The following GPC6 variants were observed in gnomAD, a reference collection of about 807,000 sequenced individuals.
The protein encoded by GPC6 is glypican 6, also known as glypican-6.
GPC6 carries 14 observed loss-of-function variants against 55.2 expected under a neutral mutation model. That is an observed-to-expected ratio of 0.25 (90% CI 0.17 to 0.40). GPC6 has a LOEUF of 0.40. GPC6 is among the 10% of genes least tolerant of loss of function. The probability of loss-of-function intolerance (pLI) is 1.00; values close to 1 mark genes in which losing one functional copy is unlikely to be tolerated. For missense variants in GPC6, 641 were observed against 708.5 expected (o/e 0.90, Z 1.08); for synonymous variants, 278 against 259.6 (o/e 1.07, Z -0.68).
intron 3 of GPC6, among the ~76,000 whole-genome samples, chr13:93,843,407 T>C (rs892052326): frequency 2.0e-5 from 3 of 152,030 alleles, no homozygotes; most frequent in African/African-American, 7.2e-5. Context: ...ACAGTTTTCA[T>C]TCAAAAGGGA....
At chr13:93,819,036 C>T (rs1886956626) in intron 2 of GPC6, among the ~76,000 whole-genome samples, 1 of 152,092 alleles carries the variant, frequency 6.6e-6, no homozygotes, top group African/African-American at 2.4e-5. Flanking sequence ...ACCTGGATCC[C>T]ACTCCCAGAG....
intron 4 of GPC6, among the ~76,000 whole-genome samples, chr13:94,125,721 CT>C (rs5805850): frequency 0.48 from 69,674 of 146,270 alleles, 16,674 homozygotes; most frequent in Admixed American, 0.57. Flanking sequence ...AATTTCTTGC[CT>C]TTTTTTTTTT....
chr13:94,318,240 C>T (rs1876638635), intron 6 of GPC6, among the ~76,000 whole-genome samples: 1 of 152,134 alleles, frequency 6.6e-6, no homozygotes, highest in African/African-American at 2.4e-5. Flanking sequence ...GAGAGATTTT[C>T]ACTATGCGAG....
intron 2 of GPC6, among the ~76,000 whole-genome samples, chr13:93,605,914 T>TAAA (rs1291035781): frequency 6.7e-6 from 1 of 149,916 alleles, no homozygotes; most frequent in East Asian, 2.0e-4. Flanking sequence ...TTTGACAAGA[T>TAAA]ATTTAACTTT....
At chr13:93,461,655 G>T (rs1161832165) in intron 1 of GPC6, among the ~76,000 whole-genome samples, 2 of 101,164 alleles carry the variant, frequency 2.0e-5, no homozygotes, top group African/African-American at 3.2e-5. Context: ...GAAGATACTA[G>T]GTCCCGGCGG....
At chr13:94,240,142 T>A (rs1594088593) in intron 4 of GPC6, among the ~76,000 whole-genome samples, 1 of 151,810 alleles carries the variant, frequency 6.6e-6, no homozygotes, top group Admixed American at 6.6e-5. Flanking sequence ...CAAAAAAAGT[T>A]CCCCCTCTCC....
At chr13:93,666,356 G>T (rs1193207441) in intron 2 of GPC6, among the ~76,000 whole-genome samples, 8 of 151,422 alleles carry the variant, frequency 5.3e-5, no homozygotes, top group Non-Finnish European at 7.4e-5. Context: ...AAAAAAAAAA[G>T]GTCAAATGAA....
At chr13:93,720,213 G>T (rs548648748) in intron 2 of GPC6, among the ~76,000 whole-genome samples, 10 of 151,854 alleles carry the variant, frequency 6.6e-5, no homozygotes, top group Non-Finnish European at 1.5e-4. Context: ...GTCTGGTCCT[G>T]GTTGGTAGGC....
At chr13:94,015,595 A>C (rs1182202824) in intron 3 of GPC6, among the ~76,000 whole-genome samples, 1 of 150,774 alleles carries the variant, frequency 6.6e-6, no homozygotes, top group African/African-American at 2.5e-5. Flanking sequence ...ATCCAAGATC[A>C]TCAAGATTTA....
intron 4 of GPC6, among the ~76,000 whole-genome samples, chr13:94,144,910 A>G (rs935895621): frequency 2.0e-5 from 3 of 152,202 alleles, no homozygotes; most frequent in African/African-American, 7.2e-5. Flanking sequence ...ATCTTTAGGA[A>G]CCAGGCCCTA....
chr13:93,677,290 G>A (rs945704297), intron 2 of GPC6, among the ~76,000 whole-genome samples: 7 of 151,980 alleles, frequency 4.6e-5, no homozygotes, highest in African/African-American at 1.4e-4. Context: ...ATTGTGTATC[G>A]TTCTTCTTAT....
At chr13:93,528,255 A>G (rs923741986) in intron 1 of GPC6, among the ~76,000 whole-genome samples, 1 of 152,190 alleles carries the variant, frequency 6.6e-6, no homozygotes, top group Non-Finnish European at 1.5e-5. Flanking sequence ...AGTTTATTGT[A>G]TATCACCCCA....
intron 4 of GPC6, among the ~76,000 whole-genome samples, chr13:94,218,884 A>G (rs991443192): frequency 3.3e-5 from 5 of 152,204 alleles, no homozygotes; most frequent in Admixed American, 2.6e-4. Flanking sequence ...TCGTATTTTT[A>G]TAAGCATCAC....
chr13:93,964,745 G>T (rs1261047245), intron 3 of GPC6, among the ~76,000 whole-genome samples: 1 of 152,116 alleles, frequency 6.6e-6, no homozygotes, highest in Non-Finnish European at 1.5e-5. Context: ...TGAAAATTCT[G>T]TTGTTTCTCC....
At chr13:93,727,915 G>T (rs866728341) in intron 2 of GPC6, among the ~76,000 whole-genome samples, 1 of 152,086 alleles carries the variant, frequency 6.6e-6, no homozygotes, top group African/African-American at 2.4e-5. Flanking sequence ...CTGCTTCACA[G>T]AGAGAGTCAC....
intron 3 of GPC6, among the ~76,000 whole-genome samples, chr13:93,860,821 A>C (rs1888784928): frequency 2.0e-5 from 3 of 151,688 alleles, no homozygotes; most frequent in Admixed American, 2.0e-4. Flanking sequence ...CAAAATAACT[A>C]TTATATAACA....
intron 3 of GPC6, among the ~76,000 whole-genome samples, chr13:93,937,145 GT>G (rs1566612126): frequency 6.6e-6 from 1 of 152,190 alleles, no homozygotes; most frequent in Non-Finnish European, 1.5e-5. Context: ...TATGTTTTCT[GT>G]CCCAGTGATT....
chr13:93,739,832 TA>T (rs1376972402), intron 2 of GPC6, among the ~76,000 whole-genome samples: 1 of 152,202 alleles, frequency 6.6e-6, no homozygotes, highest in Non-Finnish European at 1.5e-5. Flanking sequence ...GCATGAAATT[TA>T]TAGTCTAATG....
At chr13:93,252,290 A>G (rs566748854) in intron 1 of GPC6, among the ~76,000 whole-genome samples, 75 of 152,308 alleles carry the variant, frequency 4.9e-4, no homozygotes, top group African/African-American at 1.6e-3. Flanking sequence ...GGGTTTGAGA[A>G]TACATTTCAA....
Sources: gnomAD v4.1 joint callset for allele counts (sites outside exome capture counted in the v4.1 genomes callset) on GRCh38, gnomAD v4.1.1 for gene constraint, MANE v1.5 for transcripts, NCBI Gene and HGNC (gene_info 2026-07-23, HGNC 2026-07-21) for gene names.